The following ANK3 variants were observed in gnomAD, a reference collection of about 807,000 sequenced individuals.
ANK3 encodes the protein ankyrin 3.
In ANK3, 57 loss-of-function variants were observed where a neutral mutation model predicts 370.9. The observed-to-expected ratio is 0.15, with a 90% CI of 0.12 to 0.19. The LOEUF is 0.19. ANK3 is among the 10% of genes least tolerant of loss of function. The pLI, the probability that ANK3 is intolerant of heterozygous loss-of-function variation, is 1.00. For synonymous variants in ANK3, 1,929 were observed against 1,946.3 expected, an observed-to-expected ratio of 0.99 and a Z score of 0.23; for missense variants, 4,439 against 5,302.1, an observed-to-expected ratio of 0.84 and a Z score of 5.06.
chr10:60,633,127 T>G (rs1025608942), intron 1 of ANK3, among the ~76,000 whole-genome samples: 1 of 152,186 alleles, frequency 6.6e-6, no homozygotes. Context: ...AACTAAAATT[T>G]TCTTTAAAAA....
Position 60,234,776 on chromosome 10 carries a change from G to T in ANK3, c.809C>A (p.Thr270Asn). 6.2e-7 allele frequency: 1 copy of T among 1,608,100 alleles called. No individual in the cohort carries two copies. Among genetic ancestry groups the T allele is most frequent in the Non-Finnish European group, 8.5e-7 (1 of 1,174,762 alleles). Reference sequence around the variant, plus strand: ...TCTTTTTGATGCAACATGTAAAGGAGTGATGTCATTCTGGGAAGAAGAGGA... The same window carrying T: ...TCTTTTTGATGCAACATGTAAAGGATTGATGTCATTCTGGGAAGAAGAGGA... ...AVDFTARNDI[T>N]PLHVASKRGN... Residue 270 changes from threonine (T) to asparagine (N), a missense_variant, in exon 8 of 44, where the codon ACT (threonine) becomes AAT (asparagine). By Grantham distance (65) the Thr-to-Asn change is moderately conservative. Transcript: ENST00000280772.
chr10:60,549,088 CCAAGGTAAT>C (rs2077034170), intron 2 of ANK3, among the ~76,000 whole-genome samples: 2 of 151,156 alleles, frequency 1.3e-5, no homozygotes, highest in Middle Eastern at 3.4e-3. Context: ...ATTAAGGAAA[CCAAGGTAAT>C]CAATAATTGC....
chr10:60,053,306 A>G (rs2078463396), intron 42 of ANK3, among the ~76,000 whole-genome samples: 2 of 152,338 alleles, frequency 1.3e-5, no homozygotes, highest in South Asian at 2.1e-4. Flanking sequence ...TTATCTGTAC[A>G]TGGAATCATA....
chr10:60,535,916 T>G (rs1166577943), intron 2 of ANK3, among the ~76,000 whole-genome samples: 1 of 136,730 alleles, frequency 7.3e-6, no homozygotes, highest in African/African-American at 2.7e-5. Flanking sequence ...AAGCAACTGT[T>G]TGAAACCTCC....
chr10:60,073,027 G>C lies in ANK3; in HGVS notation c.7854C>G (p.Gly2618=), dbSNP rs754210761. 6.2e-7 allele frequency: 1 copy of C among 1,613,992 alleles called. No individual in the cohort carries two copies. The highest frequency in any genetic ancestry group is 8.5e-7 in the Non-Finnish European group (1 of 1,180,016). Reference sequence around the variant, plus strand: ...TAGGGCTTTGAGAAGAATATTCTTTGCCATTTTTAGGGCGTGCCTTTTTCT... The same window carrying C: ...TAGGGCTTTGAGAAGAATATTCTTTCCCATTTTTAGGGCGTGCCTTTTTCT... ...SPEKKARPKN[G]KEYSSQSPTS... The change falls in exon 37 of 44, where the codon GGC becomes GGG. Residue 2618 remains glycine, a synonymous_variant. Coordinates refer to ENST00000280772, the MANE Select transcript of ANK3 (RefSeq NM_020987.5).
chr10:60,160,926 T>C (rs1339415516), intron 23 of ANK3, among the ~76,000 whole-genome samples: 1 of 152,144 alleles, frequency 6.6e-6, no homozygotes, highest in Non-Finnish European at 1.5e-5. Flanking sequence ...GGCCCACAGC[T>C]AGTATCATAC....
intron 1 of ANK3, among the ~76,000 whole-genome samples, chr10:60,291,013 T>C (rs1019427614): frequency 3.3e-5 from 5 of 151,942 alleles, no homozygotes. Context: ...GCCGTGGGGG[T>C]ATTTTTTCTC....
intron 2 of ANK3, among the ~76,000 whole-genome samples, chr10:60,512,722 T>C (rs1346561673): frequency 6.6e-6 from 1 of 152,154 alleles, no homozygotes; most frequent in African/African-American, 2.4e-5. Context: ...TTACTGACTA[T>C]GGTTCTGATG....
In ANK3 at chr10:60,612,560, C is replaced by T. The variant is rs538635672; in HGVS notation, c.96+2626G>A. Among the ~76,000 whole-genome samples, 4 of 152,186 alleles carry T rather than the reference C, an allele frequency of 2.6e-5. No individual in the cohort carries two copies. The East Asian group carries it at 5.8e-4, about 22-fold the overall frequency. ...AGGCTGGAGTGCAGTGGCGCGATCT[C>T]GGCTCACTGCAACCTCCGCCTCCCA... On this transcript the variant is annotated intron_variant, in intron 2 of 43. Coordinates refer to the ANK3 transcript ENST00000373827.
At chr10:60,286,174 C>T (rs10821711) in intron 1 of ANK3, among the ~76,000 whole-genome samples, 52,768 of 151,916 alleles carry the variant, frequency 0.35, 9,610 homozygotes, top group East Asian at 0.48. Flanking sequence ...AGACTCCCAA[C>T]GAGTCCCTTC....
chr10:60,114,124 A>G, intron 26 of ANK3, 101 bp downstream of exon 26: 1 of 511,072 alleles, frequency 2.0e-6, no homozygotes, highest in Non-Finnish European at 3.5e-6. Context: ...ACATGAATGT[A>G]TTCATATATA....
In ANK3 at chr10:60,444,018, T is replaced by C. The variant is rs72806196; in HGVS notation, c.97-164379A>G. On this transcript the variant is annotated intron_variant, in intron 2 of 43. Coordinates refer to the ANK3 transcript ENST00000373827. The stretch of plus-strand genomic sequence containing the variant: ...CAGAGGCCCACCTCAATGACGCTTA[T>C]GCAGATTTTTTTAGGATGAAAATGT... Among the ~76,000 whole-genome samples, 761 of 152,260 alleles carry C rather than the reference T, an allele frequency of 5.0e-3. 4 individuals carry two copies. The highest frequency in any genetic ancestry group is 6.4e-3 in the Non-Finnish European group (434 of 68,024).
chr10:60,134,295 T>C lies in ANK3; in HGVS notation c.2817A>G (p.Glu939=), dbSNP rs748602393. 4.3e-6 allele frequency: 7 copies of C among 1,613,540 alleles called. No homozygotes were observed. The highest frequency in any genetic ancestry group is 2.5e-6 in the Non-Finnish European group (3 of 1,179,846). The change falls in exon 25 of 44, where the codon GAA becomes GAG. Residue 939 remains glutamate (E), a synonymous_variant. Transcript: ENST00000280772. Reference sequence around the variant, plus strand: ...CCTGCTCTTTGGATGGCACAAGGAGTTCTTCAATCATCATGCTGTCCCGTG... The same window carrying C: ...CCTGCTCTTTGGATGGCACAAGGAGCTCTTCAATCATCATGCTGTCCCGTG... ...SYARDSMMIE[E]LLVPSKEQHL... is the part of the protein sequence containing the mutation.
intron 33 of ANK3, among the ~76,000 whole-genome samples, 164 bp downstream of exon 33, chr10:60,083,328 T>A (rs1424240112): frequency 6.6e-6 from 1 of 152,222 alleles, no homozygotes; most frequent in African/African-American, 2.4e-5. Flanking sequence ...AAAGCTTTAC[T>A]GGCTTGAAAG....
rs532566762 is a variant in ANK3, at chr10:60,671,810, T to C, written c.58-56586A>G. On this transcript the variant is annotated intron_variant, in intron 1 of 43. Transcript: ENST00000373827. Reference sequence around the variant, plus strand: ...CAAGCAGCCCAATGGAGAATTCCAATTGTGAGGACTTTCAAGCACCCTATA... The same window carrying C: ...CAAGCAGCCCAATGGAGAATTCCAACTGTGAGGACTTTCAAGCACCCTATA... Among the ~76,000 whole-genome samples, 7 of 152,308 alleles carry C rather than the reference T, an allele frequency of 4.6e-5. No homozygotes were observed. In the South Asian group the frequency reaches 6.2e-4, roughly 14 times the overall value.
chr10:60,501,611 A>G (rs1458566025), intron 2 of ANK3, among the ~76,000 whole-genome samples: 1 of 151,600 alleles, frequency 6.6e-6, no homozygotes, highest in African/African-American at 2.4e-5. Flanking sequence ...AGGCTGAGGC[A>G]GAAGAAATGT....
intron 23 of ANK3, among the ~76,000 whole-genome samples, chr10:60,157,820 C>T (rs1291954833): frequency 6.8e-6 from 1 of 146,430 alleles, no homozygotes; most frequent in Non-Finnish European, 1.5e-5. Context: ...TAGAAAATAA[C>T]CTCAAAAGGA....
chr10:60,392,746 T>C (rs544466254), upstream of ANK3, among the ~76,000 whole-genome samples: 3 of 152,212 alleles, frequency 2.0e-5, no homozygotes, highest in Non-Finnish European at 4.4e-5. Flanking sequence ...CTGGCCAACA[T>C]GGTGAAACCC....
chr10:60,167,229 C>T (rs993458571), intron 21 of ANK3, among the ~76,000 whole-genome samples: 3 of 152,110 alleles, frequency 2.0e-5, no homozygotes, highest in African/African-American at 4.8e-5. Flanking sequence ...ATGAATCTGC[C>T]GCCCCATTCC....
Sources: gnomAD v4.1 joint callset for allele counts (sites outside exome capture counted in the v4.1 genomes callset) on GRCh38, gnomAD v4.1.1 for gene constraint, MANE v1.5 for transcripts, NCBI Gene and HGNC (gene_info 2026-07-23, HGNC 2026-07-21) for gene names.